The following DYNC2I2 variants were observed in gnomAD, a reference collection of about 807,000 sequenced individuals.
DYNC2I2 encodes cytoplasmic dynein 2 intermediate chain 2.
Under a neutral mutation model 52.0 loss-of-function variants are expected in DYNC2I2, and 39 were observed. The ratio of observed to expected loss-of-function variants is 0.75; its 90% CI spans 0.58 to 0.98. The LOEUF (loss-of-function observed/expected upper bound fraction) is 0.98. Ranked by LOEUF, DYNC2I2 falls within the 50% of genes least tolerant of loss-of-function variation. DYNC2I2 has a pLI of 0.00. For synonymous variants in DYNC2I2, 359 were observed against 321.1 expected, an observed-to-expected ratio of 1.12 and a Z score of -1.26; for missense variants, 743 against 728.4, an observed-to-expected ratio of 1.02 and a Z score of -0.23.
chr9:128,670,644 G>A, the DYNC2I2 span, among the ~76,000 whole-genome samples: 1 of 151,850 alleles, frequency 6.6e-6, no homozygotes, highest in Admixed American at 6.6e-5. Flanking sequence ...GCTGAAGCAG[G>A]AGAATTGCTT....
intron 1 of DYNC2I2, among the ~76,000 whole-genome samples, chr9:128,645,819 G>A (rs1457511514): frequency 1.3e-5 from 2 of 152,078 alleles, no homozygotes; most frequent in African/African-American, 4.8e-5. Context: ...TGAATGCAAA[G>A]GAAAAGTTCT....
At chr9:128,635,519 GA>G in intron 5 of DYNC2I2, 138 bp downstream of exon 5, 1 of 851,882 alleles carries the variant, frequency 1.2e-6, no homozygotes, top group Non-Finnish European at 1.8e-6. Flanking sequence ...TGAGGGGGGT[GA>G]CTCATGCTGC....
Position 128,656,770 on chromosome 9 carries a change from C to T in DYNC2I2, c.-44G>A. 7.6e-7 allele frequency: 1 copy of T among 1,316,338 alleles called. No individual in the cohort carries two copies. Among genetic ancestry groups the T allele is most frequent in the East Asian group, 3.1e-5 (1 of 32,374 alleles). 81.5% of individuals were successfully genotyped at this position (1,316,338 alleles called of 1,614,324 possible). A position where few individuals can be genotyped will look rare whatever the true frequency, so the allele number is the denominator to read the frequency against. ...TCGTGCGGACGCACTCAGGCGCGACCTCCGCCCCTACGCCGCCATGAGCGG... is the reference window on the plus strand; with the variant it reads ...TCGTGCGGACGCACTCAGGCGCGACTTCCGCCCCTACGCCGCCATGAGCGG... On this transcript the variant is annotated 5_prime_UTR_variant, in exon 1 of 9. Transcript: ENST00000372715.
chr9:128,657,112 C>T (rs1488791601), upstream of DYNC2I2, among the ~76,000 whole-genome samples: 2 of 152,216 alleles, frequency 1.3e-5, no homozygotes, highest in East Asian at 3.8e-4. Flanking sequence ...TCTGGCTGAG[C>T]AGCTGATTCT....
At chr9:128,670,874 C>T in the DYNC2I2 span, among the ~76,000 whole-genome samples, 2 of 151,742 alleles carry the variant, frequency 1.3e-5, no homozygotes, top group Non-Finnish European at 2.9e-5. Flanking sequence ...GACCAGCCAG[C>T]CTGACCAACA....
At chr9:128,682,024 G>A in the DYNC2I2 span, among the ~76,000 whole-genome samples, 4 of 151,940 alleles carry the variant, frequency 2.6e-5, no homozygotes, top group African/African-American at 9.7e-5. Context: ...GTGAGCCAAA[G>A]ATTATGCCAC....
upstream of DYNC2I2, chr9:128,656,890 GC>G: frequency 1.4e-6 from 1 of 728,238 alleles, no homozygotes; most frequent in Non-Finnish European, 2.0e-6. Context: ...ATTCTTCTCG[GC>G]CAGAGAGAGA....
chr9:128,635,701 C>G lies in DYNC2I2; in HGVS notation c.770G>C (p.Arg257Pro). 1 of 1,612,584 alleles carries G rather than the reference C, an allele frequency of 6.2e-7. No individual in the cohort carries two copies. The highest frequency in any genetic ancestry group is 1.1e-5 in the South Asian group (1 of 90,742). Reference protein sequence around the residue: ...LSRLEDPLLWRTGLTDDTHTD... With the variant: ...LSRLEDPLLWPTGLTDDTHTD... ...GTGGGTGTCATCCGTCAGGCCTGTG[C>G]GCCACAGCAGCGGGTCCTCAAGACG... The change falls in exon 5 of 9, where the codon CGC (arginine) becomes CCC (proline). Residue 257 changes from arginine to proline, a missense_variant. Coordinates refer to ENST00000372715, the MANE Select transcript of DYNC2I2 (RefSeq NM_052844.4).
chr9:128,660,253 C>T (rs1197700885), upstream of DYNC2I2, among the ~76,000 whole-genome samples: 2 of 150,972 alleles, frequency 1.3e-5, no homozygotes, highest in African/African-American at 2.4e-5. Flanking sequence ...GGACTACAGG[C>T]GCCCGCCACC....
At chr9:128,645,395 C>T (rs1860595366) in intron 1 of DYNC2I2, among the ~76,000 whole-genome samples, 1 of 151,108 alleles carries the variant, frequency 6.6e-6, no homozygotes, top group African/African-American at 2.4e-5. Flanking sequence ...ACTCAGGAGG[C>T]TGAGGCAGGA....
chr9:128,648,881 A>G (rs1389553693), intron 1 of DYNC2I2, among the ~76,000 whole-genome samples: 1 of 151,880 alleles, frequency 6.6e-6, no homozygotes, highest in African/African-American at 2.4e-5. Context: ...AGAGGCCCAG[A>G]GCTAGGCAGC....
the DYNC2I2 span, chr9:128,684,051 C>A: frequency 7.0e-7 from 1 of 1,422,170 alleles, no homozygotes; most frequent in Non-Finnish European, 9.7e-7. Context: ...AAGGGATTTG[C>A]AAGGATTGAC....
At chr9:128,648,390 G>C (rs10119537) in intron 1 of DYNC2I2, among the ~76,000 whole-genome samples, 17,666 of 151,992 alleles carry the variant, frequency 0.12, 1,743 homozygotes, top group African/African-American at 0.26. Context: ...CTGGGCAACA[G>C]AGCCAGACTC....
intron 1 of DYNC2I2, among the ~76,000 whole-genome samples, chr9:128,648,796 T>C (rs1860668910): frequency 1.5e-5 from 1 of 64,914 alleles, no homozygotes; most frequent in Non-Finnish European, 5.2e-5. Flanking sequence ...GGAGACTCCG[T>C]TTCAAAAAAA....
At position 128,635,275 on chromosome 9, in the gene DYNC2I2, G is replaced by A. The variant is rs370599383; in HGVS notation, c.814-16C>T. 2.1e-4 allele frequency: 336 copies of A among 1,611,464 alleles called. 1 individual carries two copies. Among genetic ancestry groups the A allele is most frequent in the Non-Finnish European group, 1.8e-4 (210 of 1,179,122 alleles). On this transcript the variant is annotated splice_polypyrimidine_tract_variant and intron_variant, in intron 5 of 8. Transcript: ENST00000372715. Reference sequence around the variant, plus strand: ...GCCACACCACCTGAGTTAACAGCATGCAGGGCCAGGATGGAGACAAGGGAC... The same window carrying A: ...GCCACACCACCTGAGTTAACAGCATACAGGGCCAGGATGGAGACAAGGGAC...
intron 1 of DYNC2I2, among the ~76,000 whole-genome samples, chr9:128,649,489 G>A (rs919119908): frequency 2.6e-5 from 4 of 151,566 alleles, no homozygotes; most frequent in African/African-American, 9.7e-5. Context: ...AGGAGTTCGA[G>A]ACCAGCCTGG....
At chr9:128,669,488 G>A in the DYNC2I2 span, among the ~76,000 whole-genome samples, 3 of 152,058 alleles carry the variant, frequency 2.0e-5, no homozygotes, top group Admixed American at 1.3e-4. Context: ...ACCTGAGGTC[G>A]GGAGTTCAAG....
intron 1 of DYNC2I2, among the ~76,000 whole-genome samples, chr9:128,643,868 G>C (rs1483087937): frequency 1.3e-5 from 2 of 152,192 alleles, no homozygotes; most frequent in African/African-American, 4.8e-5. Context: ...CACCCACGGG[G>C]AGGCACCAAG....
upstream of DYNC2I2, among the ~76,000 whole-genome samples, chr9:128,661,709 T>C (rs961351100): frequency 6.6e-6 from 1 of 151,498 alleles, no homozygotes; most frequent in Admixed American, 6.6e-5. Context: ...CAGGTCCTAA[T>C]AACAATCACA....
Sources: gnomAD v4.1 joint callset for allele counts (sites outside exome capture counted in the v4.1 genomes callset) on GRCh38, gnomAD v4.1.1 for gene constraint, MANE v1.5 for transcripts, NCBI Gene and HGNC (gene_info 2026-07-23, HGNC 2026-07-21) for gene names.